The following ASIC2 variants were observed in gnomAD, a reference collection of about 807,000 sequenced individuals.
ASIC2 encodes acid sensing ion channel subunit 2.
ASIC2 carries 25 observed loss-of-function variants against 57.3 expected under a neutral mutation model. The ratio of observed to expected loss-of-function variants is 0.44; its 90% CI spans 0.32 to 0.61. The LOEUF (loss-of-function observed/expected upper bound fraction) is 0.61, where lower values mean the gene tolerates loss of function less well. Ranked by LOEUF, ASIC2 falls within the 20% of genes least tolerant of loss-of-function variation. ASIC2 has a pLI of 0.06. For missense variants in ASIC2, 641 were observed against 738.1 expected (o/e 0.87, Z 1.52); for synonymous variants, 319 against 307.5 (o/e 1.04, Z -0.39).
intron 1 of ASIC2, among the ~76,000 whole-genome samples, chr17:33,593,215 A>G (rs1368180508): frequency 1.3e-5 from 2 of 152,242 alleles, no homozygotes; most frequent in Non-Finnish European, 2.9e-5. Context: ...TTGTATGTGC[A>G]GGCACAGCTG....
chr17:33,102,754 C>T (rs9915031), intron 2 of ASIC2, among the ~76,000 whole-genome samples: 104,054 of 152,126 alleles, frequency 0.68, 36,030 homozygotes, highest in African/African-American at 0.72. Context: ...TTTGCAATCA[C>T]ATTTTAAATT....
In ASIC2 at chr17:33,797,024, T is replaced by C. The variant is rs142303598; in HGVS notation, c.555+358954A>G. On this transcript the variant is annotated intron_variant, in intron 1 of 9. Transcript: ENST00000359872. ...AAGCAAAGTGGAAATGCTGACATGT[T>C]CAGTGCATGTTATGGGGCATGCAGA... 9.6e-3 allele frequency among the ~76,000 whole-genome samples: 1,465 copies of C among 152,298 alleles called. 15 individuals are homozygous for C. Among genetic ancestry groups the C allele is most frequent in the Non-Finnish European group, 0.015 (1,025 of 68,032 alleles).
At chr17:33,150,621 G>A (rs192745316) in intron 1 of ASIC2, among the ~76,000 whole-genome samples, 79 of 151,574 alleles carry the variant, frequency 5.2e-4, no homozygotes, top group Non-Finnish European at 3.2e-4. Context: ...AGGCTGAGGG[G>A]GTGGATCACT....
At chr17:33,854,358 T>C (rs544016835) in intron 1 of ASIC2, among the ~76,000 whole-genome samples, 1 of 152,334 alleles carries the variant, frequency 6.6e-6, no homozygotes, top group Admixed American at 6.5e-5. Context: ...GTGGCATTTG[T>C]TGGATGTGCG....
chr17:33,736,197 G>A (rs1290072691), intron 1 of ASIC2, among the ~76,000 whole-genome samples: 1 of 151,876 alleles, frequency 6.6e-6, no homozygotes, highest in Admixed American at 6.6e-5. Flanking sequence ...AGGCCACCTG[G>A]GGAATTTATT....
chr17:33,651,184 CT>C (rs1906908147), intron 1 of ASIC2, among the ~76,000 whole-genome samples: 1 of 152,046 alleles, frequency 6.6e-6, no homozygotes, highest in Non-Finnish European at 1.5e-5. Context: ...TGAGTAAAGT[CT>C]ATAATCTAGC....
chr17:33,505,661 C>A (rs1914226933), intron 1 of ASIC2, among the ~76,000 whole-genome samples: 1 of 152,226 alleles, frequency 6.6e-6, no homozygotes, highest in Non-Finnish European at 1.5e-5. Context: ...TCAACTTAAG[C>A]TTAATCTATT....
intron 3 of ASIC2, among the ~76,000 whole-genome samples, chr17:33,055,750 G>C (rs1358905083): frequency 2.6e-5 from 4 of 151,446 alleles, no homozygotes; most frequent in African/African-American, 9.7e-5. Context: ...AGATGGCACT[G>C]TTTGAGCCTT....
At chr17:33,372,711 T>C (rs1355797420) in intron 1 of ASIC2, among the ~76,000 whole-genome samples, 3 of 152,068 alleles carry the variant, frequency 2.0e-5, no homozygotes, top group Non-Finnish European at 4.4e-5. Flanking sequence ...CCGCTGGCCA[T>C]TGGGATCTGG....
chr17:33,356,630 CGTGTTAACCTCTT>C (rs1567833799), intron 1 of ASIC2, among the ~76,000 whole-genome samples: 1 of 152,138 alleles, frequency 6.6e-6, no homozygotes, highest in Non-Finnish European at 1.5e-5. Context: ...TAACACGGAG[CGTGTTAACCTCTT>C]GTCTTAATAG....
At chr17:33,427,222 A>G (rs555755906) in intron 1 of ASIC2, among the ~76,000 whole-genome samples, 14 of 152,348 alleles carry the variant, frequency 9.2e-5, no homozygotes, top group African/African-American at 2.6e-4. Flanking sequence ...TTCACATGCT[A>G]AAAATAAAAT....
At chr17:33,366,453 T>A (rs1908813461) in intron 1 of ASIC2, among the ~76,000 whole-genome samples, 1 of 152,152 alleles carries the variant, frequency 6.6e-6, no homozygotes, top group African/African-American at 2.4e-5. Context: ...TGCACTGCCT[T>A]CCTCTTCTCT....
intron 1 of ASIC2, among the ~76,000 whole-genome samples, chr17:33,882,694 A>G (rs1225779725): frequency 6.6e-6 from 1 of 152,056 alleles, no homozygotes; most frequent in African/African-American, 2.4e-5. Context: ...TGTGGAAGAC[A>G]GTGTGGTGAT....
At chr17:33,905,016 G>A (rs1915316839) in intron 1 of ASIC2, among the ~76,000 whole-genome samples, 3 of 152,142 alleles carry the variant, frequency 2.0e-5, no homozygotes, top group African/African-American at 4.8e-5. Flanking sequence ...GAGGGGAATC[G>A]CCTCAAATGT....
chr17:33,535,298 A>G (rs1357703080), intron 1 of ASIC2, among the ~76,000 whole-genome samples: 4 of 140,136 alleles, frequency 2.9e-5, no homozygotes, highest in Non-Finnish European at 3.0e-5. Flanking sequence ...TTTGAGATGG[A>G]GTATCACTCA....
At chr17:33,224,060 C>T (rs571413876) in intron 1 of ASIC2, among the ~76,000 whole-genome samples, 1 of 152,308 alleles carries the variant, frequency 6.6e-6, no homozygotes, top group African/African-American at 2.4e-5. Context: ...AAAGGGCTCT[C>T]ATTGTGGACT....
chr17:33,868,500 A>G (rs539434632), intron 1 of ASIC2, among the ~76,000 whole-genome samples: 2 of 2,714 alleles, frequency 7.4e-4, no homozygotes, highest in South Asian at 0.12. Context: ...ATATAAAACT[A>G]TTAGAAAAAA....
intron 2 of ASIC2, among the ~76,000 whole-genome samples, chr17:33,106,207 G>A (rs143690134): frequency 6.2e-4 from 94 of 152,268 alleles, no homozygotes; most frequent in Middle Eastern, 3.4e-3. Flanking sequence ...AGGTTAACAA[G>A]GTGAGGGGAG....
chr17:33,230,262 C>G (rs1176839043), intron 1 of ASIC2, among the ~76,000 whole-genome samples: 1 of 152,254 alleles, frequency 6.6e-6, no homozygotes, highest in Non-Finnish European at 1.5e-5. Context: ...GCTCTGACTT[C>G]TGCTATATTA....
Sources: gnomAD v4.1 joint callset for allele counts (sites outside exome capture counted in the v4.1 genomes callset) on GRCh38, gnomAD v4.1.1 for gene constraint, MANE v1.5 for transcripts, NCBI Gene and HGNC (gene_info 2026-07-23, HGNC 2026-07-21) for gene names.